The following CPLX2 variants were observed in gnomAD, a reference collection of about 807,000 sequenced individuals.
CPLX2 encodes complexin 2, also known as complexin-2.
In CPLX2, 5 loss-of-function variants were observed where a neutral mutation model predicts 16.3. The observed-to-expected ratio is 0.31, with a 90% CI of 0.16 to 0.64. CPLX2 has a LOEUF of 0.64. Among genes scored for constraint, CPLX2 ranks in the 30% least tolerant of loss-of-function variants. The pLI, the probability that CPLX2 is intolerant of heterozygous loss-of-function variation, is 0.79. For missense variants in CPLX2, 144 were observed against 181.4 expected (o/e 0.79, Z 1.18); for synonymous variants, 89 against 73.2 (o/e 1.22, Z -1.10).
At chr5:175,851,057 C>G (rs776512940) in intron 2 of CPLX2, among the ~76,000 whole-genome samples, 1 of 151,830 alleles carries the variant, frequency 6.6e-6, no homozygotes, top group Non-Finnish European at 1.5e-5. Context: ...GATGGTAGAG[C>G]CGCTGCCTGA....
rs1405637740 is a variant in CPLX2, at chr5:175,882,318, C to T, written c.*2273C>T. The stretch of plus-strand genomic sequence containing the variant: ...GACAGGCAGGGCCCAGTCCAGGGGC[C>T]CCAGGCCTCCCCAGTCCCAGTGTGC... On this transcript the variant is annotated 3_prime_UTR_variant, in exon 4 of 4. Transcript: ENST00000393745. 1 of 152,648 alleles carries T rather than the reference C, an allele frequency of 6.6e-6. No homozygotes were observed. The highest frequency in any genetic ancestry group is 2.4e-5 in the African/African-American group (1 of 41,436). The allele number at this position is 152,648 out of a possible 1,614,324, so 9.5% of individuals were successfully genotyped here.
intron 2 of CPLX2, among the ~76,000 whole-genome samples, chr5:175,859,112 A>T (rs1759315232): frequency 6.6e-6 from 1 of 152,222 alleles, no homozygotes; most frequent in African/African-American, 2.4e-5. Context: ...GTGGGAACCA[A>T]AACAAAACTA....
At chr5:175,860,469 A>G (rs1759342305) in intron 2 of CPLX2, among the ~76,000 whole-genome samples, 1 of 147,378 alleles carries the variant, frequency 6.8e-6, no homozygotes, top group South Asian at 2.2e-4. Flanking sequence ...AGAAAGAGAG[A>G]GAGAGAAAGA....
chr5:175,829,648 G>A (rs138751610), intron 2 of CPLX2, among the ~76,000 whole-genome samples: 2 of 152,136 alleles, frequency 1.3e-5, no homozygotes, highest in African/African-American at 2.4e-5. Context: ...TAAAACTTCC[G>A]GCCACACAGA....
chr5:175,871,450 AG>A (rs1759604307), upstream of CPLX2: 6 of 121,748 alleles, frequency 4.9e-5, no homozygotes, highest in African/African-American at 1.5e-4. Flanking sequence ...AGAGAGAGAG[AG>A]AGAGAGAGAG....
rs1309113650 is a variant in CPLX2 at position 175,864,014 on chromosome 5, G to A, written c.-88-14638G>A. 2.6e-5 allele frequency among the ~76,000 whole-genome samples: 4 copies of A among 152,192 alleles called. No homozygotes were observed. The East Asian group carries it at 7.7e-4, about 29-fold the overall frequency. ...TTTGACCAAGAGGATCATAAAAGGA[G>A]GTTTTGTCTAGTGGTTAGTCTGCCC... On this transcript the variant is annotated intron_variant, in intron 2 of 4. Transcript: ENST00000359546.
At chr5:175,867,963 C>T (rs1184264401), upstream of CPLX2, among the ~76,000 whole-genome samples, 3 of 152,216 alleles carry the variant, frequency 2.0e-5, no homozygotes, top group African/African-American at 7.2e-5. Flanking sequence ...GGCCTAGAGC[C>T]CTTCTCTGTG....
At chr5:175,870,604 G>A (rs913977121), upstream of CPLX2, among the ~76,000 whole-genome samples, 1 of 122,422 alleles carries the variant, frequency 8.2e-6, no homozygotes, top group Non-Finnish European at 1.7e-5. Flanking sequence ...AGGCTCATTA[G>A]GTGAGAGTAA....
chr5:175,871,419 G>GAC (rs1561790264), upstream of CPLX2: 66 of 112,512 alleles, frequency 5.9e-4, 3 homozygotes, highest in African/African-American at 2.3e-3. Context: ...AGGAGAGAGA[G>GAC]AGAGAGAGAG....
intron 1 of CPLX2, among the ~76,000 whole-genome samples, chr5:175,874,759 C>T (rs1452928459): frequency 6.6e-6 from 1 of 151,828 alleles, no homozygotes; most frequent in African/African-American, 2.4e-5. Context: ...TAAAGAAGTG[C>T]ACTAAACCAA....
chr5:175,836,328 C>T (rs1025236308), intron 2 of CPLX2, among the ~76,000 whole-genome samples: 22 of 152,004 alleles, frequency 1.4e-4, no homozygotes, highest in African/African-American at 4.1e-4. Context: ...CCAGCCTGGG[C>T]GACAGAGCGA....
intron 1 of CPLX2, among the ~76,000 whole-genome samples, chr5:175,797,377 A>ACG (rs1758007031): frequency 9.8e-6 from 1 of 102,190 alleles, no homozygotes; most frequent in Admixed American, 1.0e-4. Context: ...GGCGGGGCCC[A>ACG]GCTAAGAGTG....
intron 2 of CPLX2, among the ~76,000 whole-genome samples, chr5:175,835,728 CTTTTTTTT>C (rs71575283): frequency 1.8e-4 from 10 of 54,794 alleles, no homozygotes; most frequent in African/African-American, 7.6e-4. Flanking sequence ...TATTTATTTA[CTTTTTTTT>C]TTTTTTTTTT....
At chr5:175,797,979 G>C (rs1032565834) in intron 1 of CPLX2, among the ~76,000 whole-genome samples, 36 of 152,184 alleles carry the variant, frequency 2.4e-4, no homozygotes, top group African/African-American at 7.2e-4. Context: ...ATCACTGATT[G>C]TCTCCGCGGA....
chr5:175,799,941 A>C (rs1758061862), intron 1 of CPLX2, among the ~76,000 whole-genome samples: 1 of 152,106 alleles, frequency 6.6e-6, no homozygotes, highest in African/African-American at 2.4e-5. Context: ...AAGGCTGCAC[A>C]GTCAGAAGCC....
intron 2 of CPLX2, among the ~76,000 whole-genome samples, chr5:175,844,865 G>C (rs1219466093): frequency 6.6e-6 from 1 of 152,242 alleles, no homozygotes; most frequent in Non-Finnish European, 1.5e-5. Flanking sequence ...AACTCCAAGG[G>C]CTGGGAAGAT....
intron 3 of CPLX2, chr5:175,879,602 T>G (rs2113717421): frequency 3.1e-6 from 2 of 639,286 alleles, no homozygotes; most frequent in Non-Finnish European, 5.7e-6. Flanking sequence ...CTTTGGGGGT[T>G]TCAACACAGC....
chr5:175,849,233 A>G lies in CPLX2; in HGVS notation c.-88-29419A>G, dbSNP rs1011135098. 4.6e-5 allele frequency among the ~76,000 whole-genome samples: 7 copies of G among 152,142 alleles called. No individual in the cohort carries two copies. Among genetic ancestry groups the G allele is most frequent in the Non-Finnish European group, 7.4e-5 (5 of 68,010 alleles). On this transcript the variant is annotated intron_variant, in intron 2 of 4. Coordinates refer to the CPLX2 transcript ENST00000359546. The surrounding 1 kb of genome is among the most constrained non-coding windows in gnomAD (Gnocchi z 4.4). ...CAGTTTGCTTGTTTGGGTGGCACTG[A>G]CCTGTCCATTGTCACCAGCCAGCAG... is the stretch of plus-strand genomic sequence containing the variant.
At chr5:175,860,564 AAG>A (rs1759351070) in intron 2 of CPLX2, among the ~76,000 whole-genome samples, 2 of 128,672 alleles carry the variant, frequency 1.6e-5, no homozygotes, top group African/African-American at 3.0e-5. Flanking sequence ...AAGAAAGAAA[AAG>A]AAGGGAGGGA....
Sources: allele counts gnomAD v4.1 joint callset (sites outside exome capture counted in the v4.1 genomes callset), GRCh38; gene constraint gnomAD v4.1.1; non-coding constraint Gnocchi (gnomAD v3.1); transcripts MANE v1.5; gene names NCBI Gene and HGNC (gene_info 2026-07-23, HGNC 2026-07-21).